The following ADNP variants were observed in gnomAD, a reference collection of about 807,000 sequenced individuals.
ADNP encodes activity dependent neuroprotector homeobox, also known as activity-dependent neuroprotector homeobox protein.
Under a neutral mutation model 84.9 loss-of-function variants are expected in ADNP, and 4 were observed. That is an observed-to-expected ratio of 0.05 (90% CI 0.02 to 0.11). ADNP has a LOEUF of 0.11. ADNP is among the 10% of genes least tolerant of loss of function. The pLI is 1.00. For missense variants in ADNP, 1,132 were observed against 1,326.0 expected, an observed-to-expected ratio of 0.85 and a Z score of 2.27; for synonymous variants, 554 against 468.1, an observed-to-expected ratio of 1.18 and a Z score of -2.37.
chr20:50,916,095 C>T (rs1983487857), intron 2 of ADNP, among the ~76,000 whole-genome samples: 1 of 152,058 alleles, frequency 6.6e-6, no homozygotes, highest in Non-Finnish European at 1.5e-5. Context: ...TAACTGTTAT[C>T]AATTATTTAT....
At chr20:50,910,479 C>T (rs1312926352) in intron 2 of ADNP, among the ~76,000 whole-genome samples, 1 of 152,132 alleles carries the variant, frequency 6.6e-6, no homozygotes, top group African/African-American at 2.4e-5. Context: ...CCTAGATATA[C>T]AGGCGGCTGA....
At chr20:50,923,721 T>C (rs1009083774) in intron 2 of ADNP, among the ~76,000 whole-genome samples, 12 of 152,162 alleles carry the variant, frequency 7.9e-5, no homozygotes, top group African/African-American at 2.7e-4. Context: ...TTTCACCATG[T>C]TGGCCAGGCT....
Position 50,889,325 on chromosome 20 carries a change from G to A in ADNP, c.*2080C>T, listed in dbSNP as rs370442721. 12 of 152,326 alleles carry A rather than the reference G, an allele frequency of 7.9e-5. No individual in the cohort carries two copies. The highest frequency in any genetic ancestry group is 1.3e-4 in the Admixed American group (2 of 15,298). 9.4% of individuals were successfully genotyped at this position (152,326 alleles called of 1,614,324 possible). On this transcript the variant is annotated 3_prime_UTR_variant, in exon 6 of 6. Coordinates refer to ENST00000621696, the MANE Select transcript of ADNP (RefSeq NM_001282531.3). ...CAGGGAGGGTAATTTCCAAATAAAT[G>A]TGAGCTGGCCTAAATCCAGCTGGTT...
At chr20:50,901,934 C>T (rs1216779445) in intron 5 of ADNP, 83 bp downstream of exon 5, 3 of 1,043,932 alleles carry the variant, frequency 2.9e-6, no homozygotes, top group Admixed American at 3.7e-5. Flanking sequence ...CCCGCAATCA[C>T]TGCACCGCTA....
intron 2 of ADNP, chr20:50,905,293 T>C (rs1982359459): frequency 6.6e-6 from 1 of 152,182 alleles, no homozygotes; most frequent in Admixed American, 6.6e-5. Context: ...TTTCGCAGGA[T>C]ATAAAGTAGT....
intron 2 of ADNP, among the ~76,000 whole-genome samples, chr20:50,927,149 T>C (rs1984343558): frequency 6.6e-6 from 1 of 152,188 alleles, no homozygotes; most frequent in African/African-American, 2.4e-5. Context: ...TGTGAAGTTC[T>C]TATTTTAATA....
At chr20:50,906,964 TTTTTTTTTTTTG>T (rs1156829146) in intron 2 of ADNP, among the ~76,000 whole-genome samples, 2 of 63,326 alleles carry the variant, frequency 3.2e-5, no homozygotes, top group Admixed American at 2.1e-4. Context: ...AGGGTTCCAG[TTTTTTTTTTTTG>T]TTTTTTTTTT....
intron 2 of ADNP, among the ~76,000 whole-genome samples, chr20:50,913,526 A>G (rs1983254421): frequency 6.6e-6 from 1 of 152,182 alleles, no homozygotes; most frequent in Non-Finnish European, 1.5e-5. Context: ...CTAACTAAAA[A>G]ATGTTAAGTT....
rs1283913077 is a variant in ADNP, at chr20:50,891,488, G to C, written c.3226C>G (p.Gln1076Glu). The C allele has an allele frequency of 7.4e-6, 12 of 1,612,434 alleles. No homozygotes were observed. The highest frequency in any genetic ancestry group is 9.3e-6 in the Non-Finnish European group (11 of 1,180,028). Reference protein sequence around the residue: ...NSTIDSEDGEQFDNMTDGVAE... With the variant: ...NSTIDSEDGEEFDNMTDGVAE... The stretch of plus-strand genomic sequence containing the variant: ...ACTCCATCAGTCATGTTGTCAAACT[G>C]TTCCCCATCCTCACTGTCAATTGTG... Residue 1076 changes from glutamine (Q) to glutamate (E), a missense_variant, in exon 6 of 6, where the codon CAG becomes GAG. Physicochemically the swap from Gln to Glu is conservative, Grantham distance 29. Transcript: ENST00000621696.
rs1398001134 is a variant in ADNP at position 50,891,047 on chromosome 20, A to G, written c.*358T>C. The G allele has an allele frequency of 2.8e-6, 3 of 1,059,462 alleles. No homozygotes were observed. Among genetic ancestry groups the G allele is most frequent in the African/African-American group, 3.4e-5 (2 of 59,336 alleles). The allele number at this position is 1,059,462 out of a possible 1,614,324, so 65.6% of individuals were successfully genotyped here. On this transcript the variant is annotated 3_prime_UTR_variant, in exon 6 of 6. Coordinates refer to ENST00000621696, the MANE Select transcript of ADNP (RefSeq NM_001282531.3). ...CTGGTAGCTTGTATGTTGGCCCTAC[A>G]CTACCATGTGAATTAGTTTAACACT...
At chr20:50,908,870 TAAG>T (rs1982755677) in intron 2 of ADNP, among the ~76,000 whole-genome samples, 1 of 152,078 alleles carries the variant, frequency 6.6e-6, no homozygotes, top group Non-Finnish European at 1.5e-5. Context: ...ACAGAATAGA[TAAG>T]AAATTGTCTC....
At chr20:50,921,627 C>CA (rs1270475377) in intron 2 of ADNP, among the ~76,000 whole-genome samples, 1 of 152,116 alleles carries the variant, frequency 6.6e-6, no homozygotes, top group African/African-American at 2.4e-5. Context: ...TAGCAGTGAC[C>CA]ACCAGAATTT....
rs981621335 is a variant in ADNP, at chr20:50,889,648, C to T, written c.*1757G>A. On this transcript the variant is annotated 3_prime_UTR_variant, in exon 6 of 6. Transcript: ENST00000621696. ...TATGGACATCAGCCACTTCAGACTT[C>T]TTTAGGCCACTATCCTTGAGGTGAC... The T allele has an allele frequency of 3.7e-5, 14 of 380,994 alleles. No homozygotes were observed. The highest frequency in any genetic ancestry group is 6.0e-5 in the Non-Finnish European group (13 of 215,638). The allele number at this position is 380,994 out of a possible 1,614,324, so 23.6% of individuals were successfully genotyped here. A position where few individuals can be genotyped will look rare whatever the true frequency, so the allele number is the denominator to read the frequency against.
chr20:50,923,602 C>A (rs1188294220), intron 2 of ADNP, among the ~76,000 whole-genome samples: 1 of 152,148 alleles, frequency 6.6e-6, no homozygotes, highest in African/African-American at 2.4e-5. Flanking sequence ...ACTGCAACCT[C>A]CGCCTCCCAG....
chr20:50,913,317 A>G (rs923521094), intron 2 of ADNP, among the ~76,000 whole-genome samples: 2 of 150,272 alleles, frequency 1.3e-5, no homozygotes, highest in Non-Finnish European at 3.0e-5. Flanking sequence ...GTTAATAAAA[A>G]TTAGGAAGAC....
In ADNP at chr20:50,891,203, G is replaced by C; in HGVS notation, c.*202C>G. ...TATTGGTTTTTCACATTTAGTTACCGTGTCTGTCAGAGAAGGTTCTGAAGC... is the reference window on the plus strand; with the variant it reads ...TATTGGTTTTTCACATTTAGTTACCCTGTCTGTCAGAGAAGGTTCTGAAGC... On this transcript the variant is annotated 3_prime_UTR_variant, in exon 6 of 6. Coordinates refer to ENST00000621696, the MANE Select transcript of ADNP (RefSeq NM_001282531.3). 7.6e-7 allele frequency: 1 copy of C among 1,316,898 alleles called. No individual in the cohort carries two copies. Among genetic ancestry groups the C allele is most frequent in the South Asian group, 2.5e-5 (1 of 39,732 alleles). The allele number at this position is 1,316,898 out of a possible 1,614,324, so 81.6% of individuals were successfully genotyped here. A position where few individuals can be genotyped will look rare whatever the true frequency, so the allele number is the denominator to read the frequency against.
rs1423913131 is a variant in ADNP, at chr20:50,890,557, G to T, written c.*848C>A. 1 of 152,624 alleles carries T rather than the reference G, an allele frequency of 6.6e-6. No homozygotes were observed. The highest frequency in any genetic ancestry group is 1.5e-5 in the Non-Finnish European group (1 of 68,034). 9.5% of individuals were successfully genotyped at this position (152,624 alleles called of 1,614,324 possible). A position where few individuals can be genotyped will look rare whatever the true frequency, so the allele number is the denominator to read the frequency against. ...CTTCAACACAACACACTTTTATACA[G>T]ATCTAAAAGGTGTCAAAATTAGTAG... On this transcript the variant is annotated 3_prime_UTR_variant, in exon 6 of 6. Transcript: ENST00000621696.
In ADNP at chr20:50,931,068, AGGG is replaced by A. The variant is rs1984719806; in HGVS notation, c.-510_-508del. The stretch of plus-strand genomic sequence containing the variant: ...CGTCGTCGAGCGGTGCAGACAAAGG[AGGG>A]GCGGAGGGAGGAGACGGAGGGTGTG... On this transcript the variant is annotated 5_prime_UTR_variant, in exon 1 of 6. Transcript: ENST00000621696. 7.0e-6 allele frequency: 1 copy of A among 141,872 alleles called. No homozygotes were observed. Among genetic ancestry groups the A allele is most frequent in the African/African-American group, 2.6e-5 (1 of 37,934 alleles). 8.8% of individuals were successfully genotyped at this position (141,872 alleles called of 1,614,324 possible).
chr20:50,913,591 A>C (rs1983259566), intron 2 of ADNP: 1 of 168,144 alleles, frequency 5.9e-6, no homozygotes, highest in Admixed American at 6.1e-5. Context: ...ACAGAATCAA[A>C]GCATCAGTTA....
Sources: allele counts gnomAD v4.1 joint callset (sites outside exome capture counted in the v4.1 genomes callset), GRCh38; gene constraint gnomAD v4.1.1; transcripts MANE v1.5; gene names NCBI Gene and HGNC (gene_info 2026-07-23, HGNC 2026-07-21).